The following DPM1 variants were observed in gnomAD, a reference collection of about 807,000 sequenced individuals.
DPM1 encodes the protein dolichol-phosphate mannosyltransferase subunit 1.
A neutral mutation model predicts 39.0 loss-of-function variants in DPM1; 27 were observed. The ratio of observed to expected loss-of-function variants is 0.69; its 90% confidence interval spans 0.51 to 0.95. DPM1 has a LOEUF of 0.95. Ranked by LOEUF, DPM1 falls within the 40% of genes least tolerant of loss-of-function variation. DPM1 has a pLI of 0.00. For synonymous variants in DPM1, 124 were observed against 109.0 expected (o/e 1.14, Z -0.86); for missense variants, 307 against 315.6 (o/e 0.97, Z 0.21).
At chr20:50,954,859 C>A (rs1986749639) in intron 2 of DPM1, among the ~76,000 whole-genome samples, 1 of 152,190 alleles carries the variant, frequency 6.6e-6, no homozygotes, top group African/African-American at 2.4e-5. Flanking sequence ...CACACACTAC[C>A]AATTATAACC....
chr20:50,940,970 A>G (rs749119663), intron 6 of DPM1, 37 bp from the exon 7 acceptor site: 3 of 1,594,624 alleles, frequency 1.9e-6, no homozygotes, highest in Non-Finnish European at 2.6e-6. Flanking sequence ...TTTACAAAAT[A>G]CAATTTATAA....
chr20:50,944,927 T>C (rs1986170895), intron 5 of DPM1: 1 of 152,238 alleles, frequency 6.6e-6, no homozygotes, highest in Non-Finnish European at 1.5e-5. Context: ...TGGTGTGGTA[T>C]TTGTATTAGG....
chr20:50,939,951 T>TCA (rs1985567723), intron 7 of DPM1, among the ~76,000 whole-genome samples: 1 of 152,234 alleles, frequency 6.6e-6, no homozygotes, highest in African/African-American at 2.4e-5. Flanking sequence ...CTTAATCATA[T>TCA]CACAAATGAC....
rs1317989390 is a variant in DPM1 at position 50,938,388 on chromosome 20, A to ATTT, written c.564-2129_564-2127dup. Among the ~76,000 whole-genome samples the ATTT allele has an allele frequency of 5.6e-5, 8 of 143,666 alleles. No individual in the cohort carries two copies. In the East Asian group the frequency reaches 1.6e-3, roughly 29 times the overall value. 94.3% of individuals were successfully genotyped at this position (143,666 alleles called of 152,430 possible). On this transcript the variant is annotated intron_variant, in intron 7 of 8. Transcript: ENST00000371588. ...CAATGAGATTTAACTATTAAAAAAA[A>ATTT]TTTTTTTTTTTTTTTGAGACAGAGT... is the stretch of plus-strand genomic sequence containing the variant.
At chr20:50,937,818 G>GTTATTA (rs145740815) in intron 7 of DPM1, among the ~76,000 whole-genome samples, 1 of 151,598 alleles carries the variant, frequency 6.6e-6, no homozygotes, top group African/African-American at 2.4e-5. Flanking sequence ...AACTTTTAAA[G>GTTATTA]TTATTATTAT....
At chr20:50,940,965 A>T in intron 6 of DPM1, 32 bp from the exon 7 acceptor site, 1 of 1,606,072 alleles carries the variant, frequency 6.2e-7, no homozygotes, top group East Asian at 2.2e-5. Flanking sequence ...TCTTCTTTAC[A>T]AAATACAATT....
Position 50,948,649 on chromosome 20 carries a change from C to G in DPM1, c.275G>C (p.Arg92Pro), listed in dbSNP as rs1324570980. 1 of 1,613,868 alleles carries G rather than the reference C, an allele frequency of 6.2e-7. No homozygotes were observed. The highest frequency in any genetic ancestry group is 8.5e-7 in the Non-Finnish European group (1 of 1,179,808). Residue 92 changes from arginine to proline, a missense_variant, in exon 3 of 9, where the codon CGA becomes CCA. Transcript: ENST00000371588. ...CTTACCTAGTCCCAACTTTTTCTCT[C>G]GTGGTCTTAGAAGCTGTAGGAATAA... The part of the protein sequence containing the change: ...YGSDRILLRP[R>P]EKKLGLGTAY...
In DPM1 at chr20:50,955,265, A is replaced by G. The variant is rs1404390700; in HGVS notation, c.182T>C (p.Ile61Thr). Residue 61 changes from isoleucine (I) to threonine (T), a missense_variant, in exon 2 of 9, where the codon ATA (isoleucine) becomes ACA (threonine). By Grantham distance (89) the Ile-to-Thr change is moderately conservative. Around this residue, in one of 3 missense-constraint regions of DPM1, gnomAD observed 206 missense variants for 188.2 expected, o/e 1.09. Coordinates refer to ENST00000371588, the MANE Select transcript of DPM1 (RefSeq NM_003859.3). Reference sequence around the variant, plus strand: ...ATCTGGGCTTCCATCATCTATGATTATAATTTCATAGTTGATTCCACTAAA... The same window carrying G: ...ATCTGGGCTTCCATCATCTATGATTGTAATTTCATAGTTGATTCCACTAAA... ...FSESGINYEI[I>T]IIDDGSPDGT... 1 of 1,612,326 alleles carries G rather than the reference A, an allele frequency of 6.2e-7. No individual in the cohort carries two copies. The highest frequency in any genetic ancestry group is 1.3e-5 in the African/African-American group (1 of 74,924).
intron 2 of DPM1, among the ~76,000 whole-genome samples, chr20:50,953,494 G>C (rs2064483835): frequency 6.6e-6 from 1 of 152,078 alleles, no homozygotes; most frequent in Admixed American, 6.5e-5. Flanking sequence ...CCCTAGCATG[G>C]ATTAATACTG....
At chr20:50,956,098 T>C (rs1986809487) in intron 1 of DPM1, among the ~76,000 whole-genome samples, 1 of 152,152 alleles carries the variant, frequency 6.6e-6, no homozygotes, top group African/African-American at 2.4e-5. Flanking sequence ...CAATTTCAAA[T>C]AGTTGTGCCT....
At chr20:50,955,050 T>C in intron 2 of DPM1, 136 bp downstream of exon 2, 1 of 753,676 alleles carries the variant, frequency 1.3e-6, no homozygotes, top group Non-Finnish European at 2.2e-6. Flanking sequence ...AAAATGCATT[T>C]AAATCCCAAA....
Position 50,934,934 on chromosome 20 carries a change from G to A in DPM1, c.*198C>T, listed in dbSNP as rs971226574. The A allele has an allele frequency of 6.2e-6, 3 of 484,022 alleles. No homozygotes were observed. Among genetic ancestry groups the A allele is most frequent in the African/African-American group, 6.0e-5 (3 of 49,760 alleles). The allele number at this position is 484,022 out of a possible 1,614,324, so 30.0% of individuals were successfully genotyped here. The stretch of plus-strand genomic sequence containing the variant: ...ATACAGCAAAATGAAAACGAAAATT[G>A]AGAACATTGCTCATTAGGCCAGCAA... On this transcript the variant is annotated 3_prime_UTR_variant, in exon 9 of 9. Transcript: ENST00000371588.
At chr20:50,955,812 C>T (rs1411528254) in intron 1 of DPM1, among the ~76,000 whole-genome samples, 1 of 152,250 alleles carries the variant, frequency 6.6e-6, no homozygotes, top group Non-Finnish European at 1.5e-5. Flanking sequence ...ATCTGCCCGC[C>T]TCAGCCTCCC....
rs111664501 is a variant in DPM1 at position 50,956,744 on chromosome 20, A to C, written c.162-1459T>G. 3.3e-3 allele frequency among the ~76,000 whole-genome samples: 506 copies of C among 152,254 alleles called. 2 individuals are homozygous for C. Among genetic ancestry groups the C allele is most frequent in the Non-Finnish European group, 4.7e-3 (323 of 68,018 alleles). On this transcript the variant is annotated intron_variant, in intron 1 of 8. Coordinates refer to ENST00000371588, the MANE Select transcript of DPM1 (RefSeq NM_003859.3). ...GGCACTGGTGCCTTTACATGCCAAA[A>C]TATGTAAGGTGATTTTAATAGACGT...
At chr20:50,942,662 T>C (rs1985942576) in intron 5 of DPM1, among the ~76,000 whole-genome samples, 1 of 152,012 alleles carries the variant, frequency 6.6e-6, no homozygotes, top group South Asian at 2.1e-4. Context: ...ATGGAAGACC[T>C]TGTCTCTCAA....
chr20:50,945,798 A>T, intron 4 of DPM1, 36 bp from the exon 5 acceptor site: 1 of 1,610,656 alleles, frequency 6.2e-7, no homozygotes. Context: ...AAGTCAGTAA[A>T]ACAGGCTAAG....
intron 5 of DPM1, chr20:50,944,359 T>G (rs1468687098): frequency 1.3e-5 from 2 of 152,220 alleles, no homozygotes; most frequent in African/African-American, 4.8e-5. Context: ...CTCTACAGGT[T>G]AAAGAGGCTT....
At chr20:50,954,373 G>C (rs995250034) in intron 2 of DPM1, among the ~76,000 whole-genome samples, 1 of 152,048 alleles carries the variant, frequency 6.6e-6, no homozygotes, top group African/African-American at 2.4e-5. Flanking sequence ...AGTGAGAAGA[G>C]TCCAGATGCG....
chr20:50,935,556 G>T (rs1985075194), intron 8 of DPM1, among the ~76,000 whole-genome samples: 1 of 152,200 alleles, frequency 6.6e-6, no homozygotes, highest in Non-Finnish European at 1.5e-5. Flanking sequence ...AAATGGCCTT[G>T]TGCGTAGATT....
Sources: allele counts gnomAD v4.1 joint callset (sites outside exome capture counted in the v4.1 genomes callset), GRCh38; gene constraint gnomAD v4.1.1; regional missense constraint gnomAD v4.1.1; transcripts MANE v1.5; gene names NCBI Gene and HGNC (gene_info 2026-07-23, HGNC 2026-07-21).